Variants in PPP2R5A observed in about 807,000 individuals in gnomAD.
PPP2R5A encodes serine/threonine-protein phosphatase 2A 56 kDa regulatory subunit alpha isoform.
PPP2R5A carries 25 observed loss-of-function variants against 64.2 expected under a neutral mutation model. The observed-to-expected ratio is 0.39, with a 90% CI of 0.28 to 0.54. The LOEUF (loss-of-function observed/expected upper bound fraction) is 0.54, where lower values mean the gene tolerates loss of function less well. Among genes scored for constraint, PPP2R5A ranks in the 20% least tolerant of loss-of-function variants. The probability of loss-of-function intolerance (pLI) is 0.67; values close to 1 mark genes in which losing one functional copy is unlikely to be tolerated. For synonymous variants in PPP2R5A, 198 were observed against 201.2 expected (o/e 0.98, Z 0.13); for missense variants, 425 against 576.3 (o/e 0.74, Z 2.69).
chr1:212,332,290 A>G lies in PPP2R5A; in HGVS notation c.379-1207A>G, dbSNP rs1471118753. Reference sequence around the variant, plus strand: ...TGCCACTTCATAAGAATAGTTGGGAATTTGCTTGCAATTCCTTGTCTTGTC... The same window carrying G: ...TGCCACTTCATAAGAATAGTTGGGAGTTTGCTTGCAATTCCTTGTCTTGTC... On this transcript the variant is annotated intron_variant, in intron 2 of 12. Transcript: ENST00000261461. Among the ~76,000 whole-genome samples the G allele has an allele frequency of 2.6e-5, 4 of 152,304 alleles. No individual in the cohort carries two copies. The East Asian group carries it at 5.8e-4, about 22-fold the overall frequency.
At position 212,356,984 on chromosome 1, in the gene PPP2R5A, A is replaced by C. The variant is rs1172688487; in HGVS notation, c.1013A>C (p.Asp338Ala). 1 of 1,600,140 alleles carries C rather than the reference A, an allele frequency of 6.2e-7. No individual in the cohort carries two copies. Among genetic ancestry groups the C allele is most frequent in the Admixed American group, 1.7e-5 (1 of 58,554 alleles). The change falls in exon 10 of 13, where the codon GAT (aspartate) becomes GCT (alanine). Residue 338 changes from aspartate (D) to alanine (A), a missense_variant. Asp to Ala is a moderately radical substitution (Grantham distance 126). Transcript: ENST00000261461. ...TTAGGAGAAATTGAAGAAATCTTAG[A>C]TGTCATTGAACCAACACAGTTCAAA... ...MFLGEIEEIL[D>A]VIEPTQFKKI...
chr1:212,289,281 C>T (rs149595458), intron 1 of PPP2R5A, among the ~76,000 whole-genome samples: 371 of 152,302 alleles, frequency 2.4e-3, no homozygotes, highest in African/African-American at 8.5e-3. Context: ...CTGTGTATCT[C>T]CTGCTTTTTC....
chr1:212,319,968 T>A (rs11119913), intron 1 of PPP2R5A, among the ~76,000 whole-genome samples: 32,212 of 110,854 alleles, frequency 0.29, 4,217 homozygotes, highest in African/African-American at 0.39. Context: ...TTTTTTTTTT[T>A]ATTGATCATT....
At position 212,356,698 on chromosome 1, in the gene PPP2R5A, T is replaced by TA; in HGVS notation, c.978+23dup. 4 of 1,606,632 alleles carry TA rather than the reference T, an allele frequency of 2.5e-6. No individual in the cohort carries two copies. In the South Asian group the frequency reaches 4.5e-5, roughly 18 times the overall value. On this transcript the variant is annotated intron_variant, in intron 9 of 12. Coordinates refer to ENST00000261461, the MANE Select transcript of PPP2R5A (RefSeq NM_006243.4). ...AGAGGTGGGTTTTGTTCACTAAATG[T>TA]AGTGCATTTTACTAGAACTTGTCAA... is the stretch of plus-strand genomic sequence containing the variant.
At chr1:212,310,357 T>C (rs2102419684) in intron 1 of PPP2R5A, among the ~76,000 whole-genome samples, 1 of 152,304 alleles carries the variant, frequency 6.6e-6, no homozygotes, top group East Asian at 1.9e-4. Context: ...TCATTGAATT[T>C]ACAGATCTCC....
intron 1 of PPP2R5A, among the ~76,000 whole-genome samples, chr1:212,323,502 G>A (rs377402613): frequency 5.9e-5 from 9 of 152,242 alleles, no homozygotes; most frequent in African/African-American, 2.2e-4. Flanking sequence ...AAATAATCAA[G>A]AATTGGAAAC....
intron 1 of PPP2R5A, chr1:212,308,970 T>C (rs765116707): frequency 4.9e-6 from 3 of 618,408 alleles, no homozygotes; most frequent in Non-Finnish European, 8.5e-6. Context: ...CTCTGTTTGA[T>C]GTAACATTGT....
intron 3 of PPP2R5A, among the ~76,000 whole-genome samples, chr1:212,339,992 TAAAAA>T (rs67654928): frequency 1.5e-4 from 11 of 72,718 alleles, no homozygotes; most frequent in Non-Finnish European, 2.2e-4. Flanking sequence ...ACATGCTGCT[TAAAAA>T]AAAAAAAAAA....
At chr1:212,290,009 T>C (rs1254151505) in intron 1 of PPP2R5A, among the ~76,000 whole-genome samples, 1 of 152,190 alleles carries the variant, frequency 6.6e-6, no homozygotes, top group Non-Finnish European at 1.5e-5. Flanking sequence ...TATATAGATG[T>C]GCAGTCATCT....
intron 8 of PPP2R5A, among the ~76,000 whole-genome samples, chr1:212,353,907 G>A (rs545555958): frequency 7.2e-5 from 11 of 152,218 alleles, no homozygotes; most frequent in African/African-American, 1.2e-4. Context: ...GCTACGGGCC[G>A]GGCGCTGTGG....
At chr1:212,322,611 G>A (rs1659328129) in intron 1 of PPP2R5A, among the ~76,000 whole-genome samples, 3 of 152,056 alleles carry the variant, frequency 2.0e-5, no homozygotes, top group Admixed American at 2.0e-4. Flanking sequence ...CAGCAGCTTC[G>A]CTTCTCTCAT....
intron 8 of PPP2R5A, among the ~76,000 whole-genome samples, chr1:212,354,655 C>T (rs1489905592): frequency 2.6e-5 from 4 of 151,214 alleles, no homozygotes; most frequent in African/African-American, 4.9e-5. Context: ...GTTACAATGA[C>T]CTCTGATCAT....
At chr1:212,354,751 G>A (rs553714474) in intron 8 of PPP2R5A, among the ~76,000 whole-genome samples, 1 of 149,986 alleles carries the variant, frequency 6.7e-6, no homozygotes, top group East Asian at 1.9e-4. Flanking sequence ...AGAGAGAAAT[G>A]TGATTCCAAG....
At chr1:212,331,544 A>G (rs1558149618) in intron 2 of PPP2R5A, 1 of 152,198 alleles carries the variant, frequency 6.6e-6, no homozygotes, top group Non-Finnish European at 1.5e-5. Context: ...ACAGACAATA[A>G]AAGGAAGTGA....
chr1:212,321,661 A>G (rs1200095357), intron 1 of PPP2R5A, among the ~76,000 whole-genome samples: 1 of 133,356 alleles, frequency 7.5e-6, no homozygotes, highest in Non-Finnish European at 1.5e-5. Context: ...CTCACTTCCT[A>G]GATGGGATGG....
chr1:212,322,855 G>A (rs1246516631), intron 1 of PPP2R5A, among the ~76,000 whole-genome samples: 2 of 151,840 alleles, frequency 1.3e-5, no homozygotes, highest in Non-Finnish European at 2.9e-5. Flanking sequence ...GTGGGATCTG[G>A]GCTCACTGCA....
intron 1 of PPP2R5A, among the ~76,000 whole-genome samples, chr1:212,297,093 C>CCTCTTT (rs1558138694): frequency 3.7e-5 from 3 of 81,934 alleles, no homozygotes; most frequent in African/African-American, 1.5e-4. Context: ...TTCTTTGCTT[C>CCTCTTT]TTCTTTTTTT....
At chr1:212,286,676 C>G (rs1017715033) in intron 1 of PPP2R5A, among the ~76,000 whole-genome samples, 2 of 152,198 alleles carry the variant, frequency 1.3e-5, no homozygotes, top group Non-Finnish European at 2.9e-5. Flanking sequence ...CCGACCTTCA[C>G]TTTCCCGAGT....
intron 3 of PPP2R5A, among the ~76,000 whole-genome samples, chr1:212,336,804 AC>A (rs767614047): frequency 1.3e-5 from 2 of 152,176 alleles, no homozygotes; most frequent in Non-Finnish European, 2.9e-5. Flanking sequence ...TGTGTGCTTA[AC>A]CCACCTGGAA....
Sources: gnomAD v4.1 joint callset for allele counts (sites outside exome capture counted in the v4.1 genomes callset) on GRCh38, gnomAD v4.1.1 for gene constraint, MANE v1.5 for transcripts, NCBI Gene and HGNC (gene_info 2026-07-23, HGNC 2026-07-21) for gene names.